Variants in ST6GALNAC3 observed in about 807,000 individuals in gnomAD.
The protein encoded by ST6GALNAC3 is alpha-N-acetylgalactosaminide alpha-2,6-sialyltransferase 3.
ST6GALNAC3 carries 25 observed loss-of-function variants against 32.7 expected under a neutral mutation model. The ratio of observed to expected loss-of-function variants is 0.76; its 90% CI spans 0.56 to 1.07. The LOEUF (loss-of-function observed/expected upper bound fraction) is 1.07, where lower values mean the gene tolerates loss of function less well. ST6GALNAC3 is among the 50% of genes least tolerant of loss of function. ST6GALNAC3 has a pLI of 0.00. For missense variants in ST6GALNAC3, 355 were observed against 382.4 expected (o/e 0.93, Z 0.60); for synonymous variants, 129 against 133.1 (o/e 0.97, Z 0.21).
chr1:76,245,814 G>A (rs1657225751), intron 1 of ST6GALNAC3, among the ~76,000 whole-genome samples: 1 of 152,188 alleles, frequency 6.6e-6, no homozygotes, highest in South Asian at 2.1e-4. Context: ...GCTTAGAAGA[G>A]TTTTATTTCA....
At chr1:76,213,307 G>A (rs1339544743) in intron 1 of ST6GALNAC3, among the ~76,000 whole-genome samples, 18 of 152,168 alleles carry the variant, frequency 1.2e-4, no homozygotes. Context: ...GGAGATGGTG[G>A]AGGCATAAGA....
At chr1:76,101,625 C>G (rs1647229771) in intron 1 of ST6GALNAC3, among the ~76,000 whole-genome samples, 1 of 152,120 alleles carries the variant, frequency 6.6e-6, no homozygotes, top group South Asian at 2.1e-4. Flanking sequence ...TTTAAATTGA[C>G]TGATTTTAAA....
intron 3 of ST6GALNAC3, among the ~76,000 whole-genome samples, chr1:76,440,520 C>T (rs185470657): frequency 8.9e-4 from 135 of 152,314 alleles, no homozygotes; most frequent in African/African-American, 3.1e-3. Flanking sequence ...AAAATATCCA[C>T]TGCAGGTGTA....
intron 3 of ST6GALNAC3, among the ~76,000 whole-genome samples, chr1:76,600,570 G>A (rs944800379): frequency 6.6e-6 from 1 of 152,160 alleles, no homozygotes; most frequent in African/African-American, 2.4e-5. Flanking sequence ...GGATCTGAAT[G>A]CATGCCAGTC....
At chr1:76,172,587 C>G (rs1652592967) in intron 1 of ST6GALNAC3, among the ~76,000 whole-genome samples, 1 of 90,594 alleles carries the variant, frequency 1.1e-5, no homozygotes, top group Admixed American at 1.5e-4. Flanking sequence ...TTTAAAAACC[C>G]CATCACCTCA....
At chr1:76,544,188 G>A (rs191293626) in intron 3 of ST6GALNAC3, among the ~76,000 whole-genome samples, 11 of 152,114 alleles carry the variant, frequency 7.2e-5, no homozygotes, top group Non-Finnish European at 1.3e-4. Context: ...TATATGGAAA[G>A]AGAGTATCAG....
At chr1:76,202,305 T>TGTGTGC (rs1654574126) in intron 1 of ST6GALNAC3, among the ~76,000 whole-genome samples, 1 of 150,710 alleles carries the variant, frequency 6.6e-6, no homozygotes, top group South Asian at 2.1e-4. Flanking sequence ...TGTGTGTGTA[T>TGTGTGC]GTACATACAC....
chr1:76,092,511 A>G lies in ST6GALNAC3; in HGVS notation c.18+17627A>G, dbSNP rs560973385. On this transcript the variant is annotated intron_variant, in intron 1 of 4. Coordinates refer to ENST00000328299, the MANE Select transcript of ST6GALNAC3 (RefSeq NM_152996.4). ...TTTTATGGGAGTTTCTAATCTAATCATCACAGCAACCCTTCAAAATGGGTG... is the reference window on the plus strand; with the variant it reads ...TTTTATGGGAGTTTCTAATCTAATCGTCACAGCAACCCTTCAAAATGGGTG... Among the ~76,000 whole-genome samples, 5 of 152,292 alleles carry G rather than the reference A, an allele frequency of 3.3e-5. No individual in the cohort carries two copies. In the South Asian group the frequency reaches 1.0e-3, roughly 32 times the overall value.
At chr1:76,510,950 A>T (rs189751503) in intron 3 of ST6GALNAC3, among the ~76,000 whole-genome samples, 13 of 151,962 alleles carry the variant, frequency 8.6e-5, no homozygotes, top group African/African-American at 2.4e-4. Context: ...TCATAAAATT[A>T]AAAAAACTGT....
At chr1:76,446,712 G>A (rs1656997208) in intron 3 of ST6GALNAC3, among the ~76,000 whole-genome samples, 1 of 152,138 alleles carries the variant, frequency 6.6e-6, no homozygotes, top group African/African-American at 2.4e-5. Context: ...TAGTAAATAA[G>A]TCTCATGAGA....
At chr1:76,451,573 T>C (rs1657407485) in intron 3 of ST6GALNAC3, among the ~76,000 whole-genome samples, 1 of 152,212 alleles carries the variant, frequency 6.6e-6, no homozygotes, top group Admixed American at 6.5e-5. Context: ...TCCATTTGTT[T>C]GTGTCACCTA....
chr1:76,106,003 G>C (rs549540078), intron 1 of ST6GALNAC3, among the ~76,000 whole-genome samples: 1 of 152,234 alleles, frequency 6.6e-6, no homozygotes, highest in South Asian at 2.1e-4. Context: ...GCAGGTATTT[G>C]CTCTGCTATT....
At chr1:76,357,138 T>TTTTTTTTTTTTTTTTTTTTTTTTTTG in intron 2 of ST6GALNAC3, among the ~76,000 whole-genome samples, 1 of 140,600 alleles carries the variant, frequency 7.1e-6, no homozygotes, top group Admixed American at 7.1e-5. Context: ...TTCTTTTTTT[T>TTTTTTTTTTTTTTTTTTTTTTTTTTG]TTTTTTTCAT....
chr1:76,370,783 A>G (rs1335822412), intron 2 of ST6GALNAC3, among the ~76,000 whole-genome samples: 2 of 151,902 alleles, frequency 1.3e-5, no homozygotes, highest in African/African-American at 2.4e-5. Flanking sequence ...AGTAAAGCCA[A>G]TTTTTTTCTA....
chr1:76,212,329 A>G (rs555135300), intron 1 of ST6GALNAC3, among the ~76,000 whole-genome samples: 1 of 152,320 alleles, frequency 6.6e-6, no homozygotes, highest in South Asian at 2.1e-4. Flanking sequence ...TGTTAAAATT[A>G]AATTGGTGTT....
intron 1 of ST6GALNAC3, among the ~76,000 whole-genome samples, chr1:76,089,603 G>T (rs181217641): frequency 1.3e-5 from 2 of 152,180 alleles, no homozygotes; most frequent in Non-Finnish European, 1.5e-5. Flanking sequence ...GTTATTAGTT[G>T]TACAGGTTGT....
At chr1:76,076,502 G>A (rs1646818328) in intron 1 of ST6GALNAC3, among the ~76,000 whole-genome samples, 1 of 152,192 alleles carries the variant, frequency 6.6e-6, no homozygotes, top group Admixed American at 6.5e-5. Flanking sequence ...TGTTGGACAA[G>A]TTACTTAAAT....
intron 2 of ST6GALNAC3, among the ~76,000 whole-genome samples, chr1:76,407,093 G>A (rs1018878132): frequency 6.6e-6 from 1 of 151,862 alleles, no homozygotes; most frequent in African/African-American, 2.4e-5. Flanking sequence ...ATTTTTTCCT[G>A]TAAGGTGGCA....
intron 3 of ST6GALNAC3, among the ~76,000 whole-genome samples, chr1:76,576,450 A>C (rs1399541003): frequency 1.3e-5 from 2 of 152,056 alleles, no homozygotes; most frequent in African/African-American, 4.8e-5. Flanking sequence ...CCAATCCATA[A>C]TTGATGATAG....
Sources: gnomAD v4.1 joint callset for allele counts (sites outside exome capture counted in the v4.1 genomes callset) on GRCh38, gnomAD v4.1.1 for gene constraint, MANE v1.5 for transcripts, NCBI Gene and HGNC (gene_info 2026-07-23, HGNC 2026-07-21) for gene names.